The following EEF1AKMT2 variants were observed in gnomAD, a reference collection of about 807,000 sequenced individuals.
The protein encoded by EEF1AKMT2 is eukaryotic translation elongation factor 1 alpha lysine methyltransferase 2.
A neutral mutation model predicts 35.8 loss-of-function variants in EEF1AKMT2; 32 were observed. That is an observed-to-expected ratio of 0.89 (90% CI 0.67 to 1.20). The LOEUF (loss-of-function observed/expected upper bound fraction) is 1.20, where lower values mean the gene tolerates loss of function less well. EEF1AKMT2 is among the 50% of genes most tolerant of loss of function. EEF1AKMT2 has a pLI of 0.00. For synonymous variants in EEF1AKMT2, 121 were observed against 133.7 expected (o/e 0.91, Z 0.65); for missense variants, 330 against 347.5 (o/e 0.95, Z 0.40).
At chr10:124,787,289 G>A (rs753768176) in intron 3 of EEF1AKMT2, among the ~76,000 whole-genome samples, 44 of 151,752 alleles carry the variant, frequency 2.9e-4, no homozygotes, top group African/African-American at 9.7e-4. Context: ...ACTACATAGC[G>A]AGGCATAATG....
chr10:124,777,301 A>G (rs117160312), intron 3 of EEF1AKMT2, among the ~76,000 whole-genome samples: 1,657 of 152,140 alleles, frequency 0.011, 23 homozygotes, highest in Middle Eastern at 0.02. Flanking sequence ...AAAAAAGAAA[A>G]AAAGACAGAA....
intron 3 of EEF1AKMT2, among the ~76,000 whole-genome samples, chr10:124,780,953 C>T (rs1950534215): frequency 6.8e-6 from 1 of 147,718 alleles, no homozygotes; most frequent in Admixed American, 6.8e-5. Context: ...AGTGACGTAA[C>T]TTTTTTTTTT....
chr10:124,771,211 T>C (rs565798099), intron 4 of EEF1AKMT2, among the ~76,000 whole-genome samples: 9 of 151,980 alleles, frequency 5.9e-5, no homozygotes, highest in Non-Finnish European at 1.2e-4. Context: ...GCCATTCTCC[T>C]GCCTCAGCCT....
intron 3 of EEF1AKMT2, among the ~76,000 whole-genome samples, chr10:124,778,457 C>G (rs1950507650): frequency 6.6e-6 from 1 of 152,108 alleles, no homozygotes; most frequent in Admixed American, 6.5e-5. Context: ...AGCATGGTGG[C>G]TTATGCCTGT....
At chr10:124,778,851 A>C (rs1950511478) in intron 3 of EEF1AKMT2, among the ~76,000 whole-genome samples, 1 of 152,172 alleles carries the variant, frequency 6.6e-6, no homozygotes, top group Admixed American at 6.5e-5. Flanking sequence ...AGTGATAAAG[A>C]ATGGAAGCCA....
chr10:124,783,347 A>G (rs1472041239), intron 3 of EEF1AKMT2, among the ~76,000 whole-genome samples: 4 of 151,948 alleles, frequency 2.6e-5, no homozygotes, highest in Non-Finnish European at 4.4e-5. Context: ...TTTCACCATG[A>G]TGGCCAGGGT....
chr10:124,768,625 C>T (rs1950401359), intron 4 of EEF1AKMT2, among the ~76,000 whole-genome samples: 1 of 152,084 alleles, frequency 6.6e-6, no homozygotes, highest in Non-Finnish European at 1.5e-5. Flanking sequence ...TGGTGCATGC[C>T]TGTAGTCCCA....
At chr10:124,789,898 A>AT (rs11443011) in intron 2 of EEF1AKMT2, among the ~76,000 whole-genome samples, 137,829 of 148,372 alleles carry the variant, frequency 0.93, 64,585 homozygotes, top group Non-Finnish European at 0.99. Flanking sequence ...GAATATATGC[A>AT]TTTTTTTTTT....
At chr10:124,766,480 G>A (rs974408748) in intron 4 of EEF1AKMT2, among the ~76,000 whole-genome samples, 16 of 151,874 alleles carry the variant, frequency 1.1e-4, no homozygotes, top group African/African-American at 3.6e-4. Context: ...ACTAAGCATC[G>A]GAAATAGCAA....
intron 5 of EEF1AKMT2, among the ~76,000 whole-genome samples, chr10:124,763,023 CTTAA>C (rs1369757730): frequency 6.6e-6 from 1 of 152,114 alleles, no homozygotes; most frequent in Non-Finnish European, 1.5e-5. Context: ...AACAAATTGT[CTTAA>C]TTATTTTAAT....
intron 3 of EEF1AKMT2, among the ~76,000 whole-genome samples, chr10:124,776,617 A>G (rs899961613): frequency 1.0e-4 from 15 of 145,814 alleles, no homozygotes; most frequent in Admixed American, 9.5e-4. Context: ...GTGAAACCCC[A>G]TCTCTACTAA....
chr10:124,780,617 C>A, intron 3 of EEF1AKMT2, among the ~76,000 whole-genome samples: 2 of 150,194 alleles, frequency 1.3e-5, no homozygotes, highest in Non-Finnish European at 1.5e-5. Flanking sequence ...TGTGGAGCAA[C>A]AGAAAAATTG....
At position 124,789,069 on chromosome 10, in the gene EEF1AKMT2, C is replaced by T; in HGVS notation, c.265G>A (p.Gly89Arg). 1 of 1,612,602 alleles carries T rather than the reference C, an allele frequency of 6.2e-7. No individual in the cohort carries two copies. Among genetic ancestry groups the T allele is most frequent in the South Asian group, 1.1e-5 (1 of 90,782 alleles). Residue 89 changes from glycine to arginine, a missense_variant, in exon 3 of 7, where the codon GGA (glycine) becomes AGA (arginine). Transcript: ENST00000368836. ...AGTTCAACCAGGAAAACACCATTTC[C>T]AGTTCCAATATCAAGCACTGAAGCA... is the stretch of plus-strand genomic sequence containing the variant. Reference protein sequence around the residue: ...LDASVLDIGTGNGVFLVELAK... With the variant: ...LDASVLDIGTRNGVFLVELAK...
intron 6 of EEF1AKMT2, 41 bp from the exon 7 acceptor site, chr10:124,760,544 C>T (rs1352201102): frequency 6.7e-7 from 1 of 1,501,720 alleles, no homozygotes; most frequent in Non-Finnish European, 9.3e-7. Flanking sequence ...AGAATTGAGT[C>T]TCATACTTAC....
At position 124,762,609 on chromosome 10, in the gene EEF1AKMT2, A is replaced by T. The variant is rs949830126; in HGVS notation, c.617-51T>A. On this transcript the variant is annotated intron_variant, in intron 5 of 6. Transcript: ENST00000368836. ...CGTTTCAAAAACAGAAATAAAAATTATATTATTGCATCAATTGGTCTATCA... is the reference window on the plus strand; with the variant it reads ...CGTTTCAAAAACAGAAATAAAAATTTTATTATTGCATCAATTGGTCTATCA... The T allele has an allele frequency of 4.1e-6, 4 of 984,956 alleles. No individual in the cohort carries two copies. In the African/African-American group the frequency reaches 6.7e-5, roughly 17 times the overall value. 61.0% of individuals were successfully genotyped at this position (984,956 alleles called of 1,614,324 possible). A position where few individuals can be genotyped will look rare whatever the true frequency, so the allele number is the denominator to read the frequency against.
chr10:124,790,889 C>T (rs1333987493), intron 1 of EEF1AKMT2, among the ~76,000 whole-genome samples: 1 of 152,112 alleles, frequency 6.6e-6, no homozygotes, highest in Non-Finnish European at 1.5e-5. Context: ...CTCAGCCTCC[C>T]GAGTAGCTGG....
intron 5 of EEF1AKMT2, among the ~76,000 whole-genome samples, 195 bp from the exon 6 acceptor site, chr10:124,762,753 C>G (rs1367951232): frequency 6.6e-6 from 1 of 152,054 alleles, no homozygotes; most frequent in Non-Finnish European, 1.5e-5. Flanking sequence ...TATGACATTC[C>G]TTTTAATAAA....
At chr10:124,785,319 G>A (rs1367415805) in intron 3 of EEF1AKMT2, among the ~76,000 whole-genome samples, 1 of 148,702 alleles carries the variant, frequency 6.7e-6, no homozygotes, top group Non-Finnish European at 1.5e-5. Context: ...CACAGAAGAA[G>A]TTCTAAGTGA....
intron 3 of EEF1AKMT2, among the ~76,000 whole-genome samples, chr10:124,778,481 T>C (rs111622768): frequency 8.7e-4 from 133 of 152,060 alleles, no homozygotes; most frequent in Non-Finnish European, 1.5e-3. Flanking sequence ...ACCAGCACTT[T>C]GGGAGGCCAA....
Sources: gnomAD v4.1 joint callset for allele counts (sites outside exome capture counted in the v4.1 genomes callset) on GRCh38, gnomAD v4.1.1 for gene constraint, MANE v1.5 for transcripts, NCBI Gene and HGNC (gene_info 2026-07-23, HGNC 2026-07-21) for gene names.